Variants in WNK3 observed in about 807,000 individuals in gnomAD.
WNK3 encodes the protein WNK lysine deficient protein kinase 3.
WNK3 carries 18 observed loss-of-function variants against 116.7 expected under a neutral mutation model. The observed-to-expected ratio is 0.15, with a 90% confidence interval of 0.11 to 0.23. WNK3 has a LOEUF of 0.23. Ranked by LOEUF, WNK3 falls within the 10% of genes least tolerant of loss-of-function variation. The pLI is 1.00. For synonymous variants in WNK3, 404 were observed against 469.4 expected, an observed-to-expected ratio of 0.86 and a Z score of 1.80; for missense variants, 993 against 1,323.8, an observed-to-expected ratio of 0.75 and a Z score of 3.88.
intron 2 of WNK3, among the ~76,000 whole-genome samples, chrX:54,325,909 T>G (rs2069097668): frequency 9.1e-6 from 1 of 109,942 alleles, no homozygotes. Flanking sequence ...GGTCTTTCAG[T>G]AACATGTGAC....
chrX:54,301,779 T>C, exon 6 of WNK3: 1 of 1,206,024 alleles, frequency 8.3e-7, no homozygotes, highest in Middle Eastern at 2.3e-4. Flanking sequence ...ACCTTTCAGA[T>C]TTGTTTTGAC....
At chrX:54,212,479 A>G (rs1435787383) in intron 22 of WNK3, among the ~76,000 whole-genome samples, 1 of 112,579 alleles carries the variant, frequency 8.9e-6, no homozygotes, top group Non-Finnish European at 1.9e-5. Context: ...AAAGCATCTA[A>G]TCATATTGAA....
At position 54,344,444 on chromosome X, in the gene WNK3, G is replaced by GA. The variant is rs1273847558; in HGVS notation, c.-119-10653dup. Among the ~76,000 whole-genome samples, 548 of 90,566 alleles carry GA rather than the reference G, an allele frequency of 6.1e-3. 3 individuals carry two copies. The highest frequency in any genetic ancestry group is 0.02 in the African/African-American group (501 of 25,055). The allele number at this position is 90,566 out of a possible 115,157, so 78.6% of individuals were successfully genotyped here. Reference sequence around the variant, plus strand: ...GACAGAGCGAGACTCCGTCTCAAAAGAAAAAAAAAAAAGAAAAAGCAAATT... The same window carrying GA: ...GACAGAGCGAGACTCCGTCTCAAAAGAAAAAAAAAAAAAGAAAAAGCAAATT... On this transcript the variant is annotated intron_variant, in intron 1 of 23. Coordinates refer to ENST00000354646, the Ensembl canonical transcript of WNK3.
At chrX:54,232,698 C>T (rs1025107164) in intron 21 of WNK3, 111 bp downstream of exon 21, 4 of 665,304 alleles carry the variant, frequency 6.0e-6, no homozygotes, top group Non-Finnish European at 8.8e-6. Context: ...ATAATGTGTA[C>T]TTCTTTAAAT....
chrX:54,205,283 C>CA (rs1307127803), intron 22 of WNK3, among the ~76,000 whole-genome samples: 5 of 99,450 alleles, frequency 5.0e-5, no homozygotes, highest in African/African-American at 7.8e-5. Context: ...AAACAAACAA[C>CA]AAAAAAAAGA....
At chrX:54,277,375 A>G (rs782474833) in intron 10 of WNK3, among the ~76,000 whole-genome samples, 141 of 106,388 alleles carry the variant, frequency 1.3e-3, no homozygotes, top group African/African-American at 4.5e-3. Context: ...GTCTTGCTCT[A>G]TTGCCAGGCT....
intron 2 of WNK3, among the ~76,000 whole-genome samples, chrX:54,312,886 C>G (rs1187025994): frequency 9.0e-6 from 1 of 110,959 alleles, no homozygotes; most frequent in East Asian, 2.8e-4. Context: ...TCTGAATTCC[C>G]TCTTCCTTTC....
At chrX:54,343,203 A>C (rs1170337674) in intron 1 of WNK3, among the ~76,000 whole-genome samples, 1 of 110,747 alleles carries the variant, frequency 9.0e-6, no homozygotes, top group East Asian at 2.9e-4. Context: ...TCTTCACCAT[A>C]AAACAGTTTA....
chrX:54,201,451 T>C (rs782220147), intron 23 of WNK3, among the ~76,000 whole-genome samples: 31 of 112,131 alleles, frequency 2.8e-4, no homozygotes, highest in Non-Finnish European at 4.7e-4. Flanking sequence ...AAGTTCTTTT[T>C]CATAATGAAC....
chrX:54,303,097 G>C (rs901726117), intron 5 of WNK3, among the ~76,000 whole-genome samples: 25 of 107,007 alleles, frequency 2.3e-4, no homozygotes, highest in Non-Finnish European at 4.0e-4. Context: ...CAGTCTTCTA[G>C]AATGGCTAGA....
At chrX:54,333,738 A>T in exon 2 of WNK3, 1 of 825,005 alleles carries the variant, frequency 1.2e-6, no homozygotes. Context: ...CATCTCAGGT[A>T]TCAGAATTAT....
At chrX:54,301,115 C>T (rs2068752767) in intron 6 of WNK3, among the ~76,000 whole-genome samples, 1 of 108,260 alleles carries the variant, frequency 9.2e-6, no homozygotes, top group African/African-American at 3.4e-5. Flanking sequence ...TGATGGCATG[C>T]ACCTGCAATC....
At position 54,258,786 on chromosome X, in the gene WNK3, GA is replaced by G. The variant is rs1278656610; in HGVS notation, c.2102+487del. ...GAAAGTATAGAAATAAACAATCACA[GA>G]AAAAAAAAAACACCTCACTGAATAG... On this transcript the variant is annotated intron_variant, in intron 11 of 23. Transcript: ENST00000354646. Among the ~76,000 whole-genome samples the G allele has an allele frequency of 5.5e-4, 53 of 96,180 alleles. 1 individual carries two copies. Among genetic ancestry groups the G allele is most frequent in the African/African-American group, 1.1e-3 (30 of 26,634 alleles). The allele number at this position is 96,180 out of a possible 115,157, so 83.5% of individuals were successfully genotyped here. A position where few individuals can be genotyped will look rare whatever the true frequency, so the allele number is the denominator to read the frequency against.
chrX:54,338,928 G>A (rs1420227940), intron 1 of WNK3, among the ~76,000 whole-genome samples: 2 of 106,423 alleles, frequency 1.9e-5, no homozygotes, highest in Non-Finnish European at 3.9e-5. Context: ...CTTGAATCTG[G>A]GAGGCAGAGG....
chrX:54,306,313 G>T (rs188319329), intron 5 of WNK3, among the ~76,000 whole-genome samples: 1 of 111,332 alleles, frequency 9.0e-6, no homozygotes, highest in Admixed American at 9.7e-5. Context: ...CAAAGGAATT[G>T]AAATTAGTAT....
exon 19 of WNK3, chrX:54,238,408 T>G: frequency 8.3e-7 from 1 of 1,211,284 alleles, no homozygotes; most frequent in Non-Finnish European, 1.1e-6. Flanking sequence ...TAGTATCAGC[T>G]GTGGACTCCC....
chrX:54,269,454 C>T (rs1293376938), intron 10 of WNK3, among the ~76,000 whole-genome samples: 7 of 111,665 alleles, frequency 6.3e-5, no homozygotes, highest in Non-Finnish European at 1.1e-4. Context: ...ATGGAAGTCT[C>T]ATACATTGCC....
At chrX:54,350,101 T>A (rs1488628123) in intron 1 of WNK3, among the ~76,000 whole-genome samples, 2 of 111,261 alleles carry the variant, frequency 1.8e-5, no homozygotes, top group East Asian at 2.8e-4. Context: ...AAAAATAAAT[T>A]CCATGTGGAC....
chrX:54,323,917 T>A (rs1412115861), intron 2 of WNK3, among the ~76,000 whole-genome samples: 4 of 112,320 alleles, frequency 3.6e-5, no homozygotes, highest in Non-Finnish European at 7.5e-5. Context: ...CATTTCCTAT[T>A]GCTACTGTAA....
Sources: gnomAD v4.1 joint callset for allele counts (sites outside exome capture counted in the v4.1 genomes callset) on GRCh38, gnomAD v4.1.1 for gene constraint, MANE v1.5 for transcripts, NCBI Gene and HGNC (gene_info 2026-07-23, HGNC 2026-07-21) for gene names.